Variants in PCDH11X observed in about 807,000 individuals in gnomAD.
PCDH11X encodes protocadherin 11 X-linked, also known as protocadherin-11 X-linked.
In PCDH11X, 18 loss-of-function variants were observed where a neutral mutation model predicts 53.3. That is an observed-to-expected ratio of 0.34 (90% CI 0.23 to 0.50). The LOEUF is 0.50. Among genes scored for constraint, PCDH11X ranks in the 20% least tolerant of loss-of-function variants. PCDH11X has a pLI of 0.98. For missense variants in PCDH11X, 570 were observed against 1,032.4 expected (o/e 0.55, Z 6.14); for synonymous variants, 279 against 393.3 (o/e 0.71, Z 3.44).
intron 10 of PCDH11X, among the ~76,000 whole-genome samples, chrX:92,616,853 G>A (rs1928024465): frequency 9.0e-6 from 1 of 110,925 alleles, no homozygotes; most frequent in Non-Finnish European, 1.9e-5. Flanking sequence ...ACAATATTGA[G>A]TATTCCAAGC....
chrX:92,193,863 A>T (rs1179820391), intron 6 of PCDH11X, among the ~76,000 whole-genome samples: 1 of 111,748 alleles, frequency 8.9e-6, no homozygotes, highest in Non-Finnish European at 1.9e-5. Context: ...ACTGGAAAAA[A>T]CTACTTTGAT....
intron 7 of PCDH11X, among the ~76,000 whole-genome samples, chrX:92,232,810 G>A (rs1324267118): frequency 1.8e-5 from 2 of 111,398 alleles, no homozygotes; most frequent in Non-Finnish European, 3.8e-5. Context: ...TCCGCCTTCT[G>A]CTTCACGCCA....
intron 9 of PCDH11X, among the ~76,000 whole-genome samples, chrX:92,388,349 T>C: frequency 9.1e-6 from 1 of 109,390 alleles, no homozygotes; most frequent in Non-Finnish European, 1.9e-5. Flanking sequence ...ATTTTCTTTC[T>C]GAGGAAATAA....
At chrX:92,594,532 G>A (rs956185222) in intron 10 of PCDH11X, among the ~76,000 whole-genome samples, 10 of 108,166 alleles carry the variant, frequency 9.2e-5, no homozygotes, top group African/African-American at 3.0e-4. Flanking sequence ...TGATTGTTAT[G>A]TTATTATGTG....
intron 6 of PCDH11X, among the ~76,000 whole-genome samples, chrX:91,921,089 C>A (rs1429638118): frequency 3.6e-5 from 4 of 111,817 alleles, no homozygotes; most frequent in African/African-American, 1.3e-4. Flanking sequence ...GGGTGAATTT[C>A]CCATTTACAA....
rs760299417 is a variant in PCDH11X, at chrX:91,879,255, G to C, written c.3015G>C (p.Val1005=). Residue 1005 remains valine, a synonymous_variant, in exon 6 of 11, where the codon GTG becomes GTC. Transcript: ENST00000682573. The part of the protein sequence containing the change: ...GYPVTTFEVP[V]SVHTRPPMKE... ...CAGTGACGACCTTCGAGGTACCTGT[G>C]TCCGTACACACCAGACCGGTAGGTA... is the stretch of plus-strand genomic sequence containing the variant. The C allele has an allele frequency of 2.5e-6, 3 of 1,211,581 alleles. No individual in the cohort carries two copies. In the Admixed American group the frequency reaches 6.5e-5, roughly 26 times the overall value.
intron 6 of PCDH11X, among the ~76,000 whole-genome samples, chrX:92,112,599 T>A (rs184952765): frequency 2.7e-5 from 3 of 109,826 alleles, no homozygotes; most frequent in Non-Finnish European, 5.6e-5. Flanking sequence ...CATTGTGTTG[T>A]TTACTTATAT....
In PCDH11X at chrX:92,308,412, A is replaced by G. The variant is rs183679677; in HGVS notation, c.3144+45269A>G. The stretch of plus-strand genomic sequence containing the variant: ...CTTTTGAATAGGGAAAAGACAGTCT[A>G]TTTAACAAGTGGTGTTAGAAATCTG... On this transcript the variant is annotated intron_variant, in intron 8 of 10. Coordinates refer to ENST00000682573, the MANE Select transcript of PCDH11X (RefSeq NM_032968.5). Among the ~76,000 whole-genome samples the G allele has an allele frequency of 6.2e-3, 694 of 111,810 alleles. 3 individuals are homozygous for G. Among genetic ancestry groups the G allele is most frequent in the African/African-American group, 0.021 (657 of 30,880 alleles).
chrX:92,303,485 A>T (rs542273338), intron 8 of PCDH11X, among the ~76,000 whole-genome samples: 3 of 111,424 alleles, frequency 2.7e-5, no homozygotes, highest in African/African-American at 9.8e-5. Flanking sequence ...AGAACCTCCA[A>T]CTGAGGTAAA....
intron 6 of PCDH11X, among the ~76,000 whole-genome samples, chrX:91,916,348 T>C (rs1209566455): frequency 1.4e-4 from 15 of 109,777 alleles, no homozygotes; most frequent in Non-Finnish European, 2.9e-4. Flanking sequence ...CTATATGAAA[T>C]TGAAACAAAA....
chrX:92,566,053 C>A (rs1214710761), intron 10 of PCDH11X, among the ~76,000 whole-genome samples: 1 of 110,692 alleles, frequency 9.0e-6, no homozygotes, highest in Non-Finnish European at 1.9e-5. Context: ...TATACAAAAT[C>A]TATATAGATA....
chrX:91,916,487 G>T, intron 6 of PCDH11X, among the ~76,000 whole-genome samples: 1 of 111,529 alleles, frequency 9.0e-6, no homozygotes, highest in Non-Finnish European at 1.9e-5. Context: ...TGAACCAGGA[G>T]ATATTACAGC....
chrX:92,183,424 T>G (rs921137926), intron 6 of PCDH11X, among the ~76,000 whole-genome samples: 2 of 110,224 alleles, frequency 1.8e-5, no homozygotes, highest in African/African-American at 6.6e-5. Flanking sequence ...ACCTGGCTAA[T>G]TTTTGTATTT....
Position 92,560,201 on chromosome X carries a change from C to T in PCDH11X, c.3368-58063C>T, listed in dbSNP as rs2075112092. Among the ~76,000 whole-genome samples, 5 of 111,267 alleles carry T rather than the reference C, an allele frequency of 4.5e-5. No individual in the cohort carries two copies. In the South Asian group the frequency reaches 1.5e-3, roughly 34 times the overall value. On this transcript the variant is annotated intron_variant, in intron 10 of 10. Transcript: ENST00000682573. ...CACAGATGACTTATCTAGATACAAC[C>T]GGGGCTGGAAGCAAAACCATGGCCT...
chrX:92,016,197 T>G, intron 6 of PCDH11X, among the ~76,000 whole-genome samples: 1 of 112,339 alleles, frequency 8.9e-6, no homozygotes, highest in Admixed American at 9.5e-5. Context: ...TCATCCAGGC[T>G]TTGTTGTTCC....
At chrX:91,969,501 A>C (rs1364639102) in intron 6 of PCDH11X, among the ~76,000 whole-genome samples, 2 of 111,012 alleles carry the variant, frequency 1.8e-5, no homozygotes, top group African/African-American at 6.6e-5. Flanking sequence ...AAGATGATCA[A>C]AGAAGGATCA....
intron 5 of PCDH11X, among the ~76,000 whole-genome samples, chrX:91,860,119 G>A (rs1938579368): frequency 9.1e-6 from 1 of 109,456 alleles, no homozygotes; most frequent in Admixed American, 9.8e-5. Context: ...TTTTCCATTT[G>A]TTTGTGTCCT....
chrX:92,580,938 A>G (rs1215571470), intron 10 of PCDH11X, among the ~76,000 whole-genome samples: 1 of 110,410 alleles, frequency 9.1e-6, no homozygotes, highest in African/African-American at 3.3e-5. Context: ...TCTGTGGGTC[A>G]TGCCAACAAC....
At position 92,173,727 on chromosome X, in the gene PCDH11X, C is replaced by T. The variant is rs148413301; in HGVS notation, c.3034-27648C>T. ...GAGAAAGTCCAGGTGTGGTAGTTCA[C>T]ACCTGTAATTCTAGCATTTTGGGAG... On this transcript the variant is annotated intron_variant, in intron 6 of 10. Transcript: ENST00000682573. 1.7e-3 allele frequency among the ~76,000 whole-genome samples: 182 copies of T among 109,585 alleles called. 1 individual carries two copies. Among genetic ancestry groups the T allele is most frequent in the African/African-American group, 5.7e-3 (171 of 30,182 alleles).
Sources: gnomAD v4.1 joint callset for allele counts (sites outside exome capture counted in the v4.1 genomes callset) on GRCh38, gnomAD v4.1.1 for gene constraint, MANE v1.5 for transcripts, NCBI Gene and HGNC (gene_info 2026-07-23, HGNC 2026-07-21) for gene names.